CACNA1B: variants seen among roughly 807,000 people sequenced by gnomAD.
CACNA1B encodes the protein voltage-dependent N-type calcium channel subunit alpha-1B.
Under a neutral mutation model 247.2 loss-of-function variants are expected in CACNA1B, and 70 were observed. That is an observed-to-expected ratio of 0.28 (90% CI 0.23 to 0.35). The LOEUF (loss-of-function observed/expected upper bound fraction) is 0.35. Among genes scored for constraint, CACNA1B ranks in the 10% least tolerant of loss-of-function variants. The pLI, the probability that CACNA1B is intolerant of heterozygous loss-of-function variation, is 1.00. For synonymous variants in CACNA1B, 1,231 were observed against 1,294.4 expected (o/e 0.95, Z 1.05); for missense variants, 2,367 against 3,197.4 (o/e 0.74, Z 6.26).
intron 12 of CACNA1B, among the ~76,000 whole-genome samples, chr9:137,976,703 G>A (rs1462427062): frequency 7.0e-6 from 1 of 142,664 alleles, no homozygotes; most frequent in African/African-American, 2.7e-5. Context: ...ACCAACTTAT[G>A]TAGGTAGGGG....
intron 3 of CACNA1B, among the ~76,000 whole-genome samples, chr9:137,896,111 C>A (rs975829528): frequency 1.3e-5 from 2 of 151,884 alleles, no homozygotes; most frequent in Non-Finnish European, 2.9e-5. Context: ...TGGTGGCAGG[C>A]GCCTGTAGTC....
chr9:137,954,758 C>T lies in CACNA1B; in HGVS notation c.1071-940C>T, dbSNP rs954003508. ...CAGTGCCTAGCGGACACTGGCCCTG[C>T]GCCCAGGGTCAGTCACGGTCAGAGC... On this transcript the variant is annotated intron_variant, in intron 7 of 46. Transcript: ENST00000371372. The surrounding 1 kb of genome is among the most constrained non-coding windows in gnomAD (Gnocchi z 4.1). Among the ~76,000 whole-genome samples the T allele has an allele frequency of 5.3e-5, 8 of 151,976 alleles. No individual in the cohort carries two copies. Among genetic ancestry groups the T allele is most frequent in the African/African-American group, 1.5e-4 (6 of 41,370 alleles).
At chr9:138,103,062 C>A (rs555799874) in intron 38 of CACNA1B, among the ~76,000 whole-genome samples, 1 of 152,072 alleles carries the variant, frequency 6.6e-6, no homozygotes, top group Non-Finnish European at 1.5e-5. Flanking sequence ...CCTTTGAGAG[C>A]CCCCTGGAGG....
chr9:138,059,062 G>A lies in CACNA1B; in HGVS notation c.4474-17G>A, dbSNP rs1352775144. 6.6e-7 allele frequency: 1 copy of A among 1,511,478 alleles called. No homozygotes were observed. Among genetic ancestry groups the A allele is most frequent in the Non-Finnish European group, 9.2e-7 (1 of 1,088,296 alleles). 93.6% of individuals were successfully genotyped at this position (1,511,478 alleles called of 1,614,324 possible). On this transcript the variant is annotated splice_polypyrimidine_tract_variant and intron_variant, in intron 29 of 46. Transcript: ENST00000371372. The surrounding 1 kb of genome is among the most constrained non-coding windows in gnomAD (Gnocchi z 4.2). ...GGCTGCCAAACCCATGGCCAACAGT[G>A]CCTATTCCCCGGGCAGTTCTATGAT...
intron 36 of CACNA1B, among the ~76,000 whole-genome samples, chr9:138,081,913 C>G (rs1960534209): frequency 6.6e-6 from 1 of 151,010 alleles, no homozygotes; most frequent in Non-Finnish European, 1.5e-5. Flanking sequence ...CATATAATGG[C>G]AAAGGGACAC....
In CACNA1B at chr9:137,990,786, A is replaced by G. The variant is rs1958422906; in HGVS notation, c.1974+3932A>G. Among the ~76,000 whole-genome samples, 1 of 152,214 alleles carries G rather than the reference A, an allele frequency of 6.6e-6. No individual in the cohort carries two copies. The highest frequency in any genetic ancestry group is 2.1e-4 in the South Asian group (1 of 4,826). On this transcript the variant is annotated intron_variant, in intron 15 of 46. Transcript: ENST00000371372. This position sits in a 1 kb window ranked among gnomAD's most constrained non-coding sequence, Gnocchi z 4.5. ...TGGATCACATCACAGGACTCTTGAC[A>G]GACACTCCCCAGTACCAGCCTGAAG...
chr9:137,997,509 A>G (rs1013909892), intron 15 of CACNA1B, among the ~76,000 whole-genome samples: 1 of 152,230 alleles, frequency 6.6e-6, no homozygotes. Context: ...AAATTAAAAG[A>G]CAAATGATGT....
Position 138,083,237 on chromosome 9 carries a change from G to T in CACNA1B, c.5094+4979G>T, listed in dbSNP as rs1036836874. 4.0e-5 allele frequency among the ~76,000 whole-genome samples: 6 copies of T among 151,140 alleles called. No individual in the cohort carries two copies. In the East Asian group the frequency reaches 1.2e-3, roughly 31 times the overall value. On this transcript the variant is annotated intron_variant, in intron 36 of 46. Coordinates refer to ENST00000371372, the MANE Select transcript of CACNA1B (RefSeq NM_000718.4). ...AGTGTGACTTGCTCCTGGAGTAGCC[G>T]CAGCTTCCCTTTATCCTTGAGGCAA...
chr9:137,901,208 TCTGTGTCTGTGTCC>T (rs911221141), intron 3 of CACNA1B, among the ~76,000 whole-genome samples: 10 of 151,068 alleles, frequency 6.6e-5, no homozygotes, highest in Non-Finnish European at 1.3e-4. Flanking sequence ...ACTGTGTGTC[TCTGTGTCTGTGTCC>T]CTGTGTCTGT....
In CACNA1B at chr9:137,971,328, G is replaced by T. The variant is rs1958144761; in HGVS notation, c.1334-55G>T. 3 of 1,311,774 alleles carry T rather than the reference G, an allele frequency of 2.3e-6. No individual in the cohort carries two copies. The highest frequency in any genetic ancestry group is 1.5e-5 in the African/African-American group (1 of 68,794). 81.3% of individuals were successfully genotyped at this position (1,311,774 alleles called of 1,614,324 possible). ...GTGCGTCTGTGGGGGTCCACAGGTG[G>T]GGTAGGCGGGTGCCCATTGGTCCCC... On this transcript the variant is annotated intron_variant, in intron 10 of 46. Transcript: ENST00000371372. The surrounding 1 kb of genome is among the most constrained non-coding windows in gnomAD (Gnocchi z 4.4).
At chr9:138,114,343 C>A in intron 40 of CACNA1B, 35 bp from the exon 41 acceptor site, 2 of 1,091,392 alleles carry the variant, frequency 1.8e-6, no homozygotes, top group Non-Finnish European at 2.8e-6. Context: ...CCTCTGCCCC[C>A]TTCTCCGAAT....
rs1352518872 is a variant in CACNA1B, at chr9:137,888,417, T to C, written c.530+5534T>C. ...CTGTGGGGCTGGTTGCACCTGGGGG[T>C]CAGGGACATGGGCAGGGCCCCCAGA... On this transcript the variant is annotated intron_variant, in intron 3 of 46. Transcript: ENST00000371372. This position sits in a 1 kb window ranked among gnomAD's most constrained non-coding sequence, Gnocchi z 4.7. 6.6e-6 allele frequency among the ~76,000 whole-genome samples: 1 copy of C among 151,864 alleles called. No homozygotes were observed. The highest frequency in any genetic ancestry group is 1.5e-5 in the Non-Finnish European group (1 of 67,952).
chr9:137,877,839 C>A lies in CACNA1B; in HGVS notation c.-95C>A. The A allele has an allele frequency of 2.9e-6, 2 of 681,898 alleles. No individual in the cohort carries two copies. The highest frequency in any genetic ancestry group is 3.6e-6 in the Non-Finnish European group (2 of 551,996). 42.2% of individuals were successfully genotyped at this position (681,898 alleles called of 1,614,324 possible). ...CGGGCGAGGTCCGCTGCGGTCCCGG[C>A]GGCTCCGTGGCTGCTCCGCTCTGAG... On this transcript the variant is annotated 5_prime_UTR_variant, in exon 1 of 47. Coordinates refer to ENST00000371372, the MANE Select transcript of CACNA1B (RefSeq NM_000718.4).
In CACNA1B at chr9:138,072,534, T is replaced by G. The variant is rs1451539754; in HGVS notation, c.4675-954T>G. 6.6e-6 allele frequency among the ~76,000 whole-genome samples: 1 copy of G among 152,276 alleles called. No homozygotes were observed. Among genetic ancestry groups the G allele is most frequent in the Non-Finnish European group, 1.5e-5 (1 of 68,050 alleles). On this transcript the variant is annotated intron_variant, in intron 32 of 46. Transcript: ENST00000371372. The surrounding 1 kb of genome is among the most constrained non-coding windows in gnomAD (Gnocchi z 4.5). ...AACGTGTCTCTGAGCCTGAGCTGCTTGCATATTTTAAAATGCTGCAGTGGC... is the reference window on the plus strand; with the variant it reads ...AACGTGTCTCTGAGCCTGAGCTGCTGGCATATTTTAAAATGCTGCAGTGGC...
chr9:137,922,949 C>T (rs1165407965), intron 6 of CACNA1B, among the ~76,000 whole-genome samples: 1 of 152,198 alleles, frequency 6.6e-6, no homozygotes, highest in Non-Finnish European at 1.5e-5. Context: ...CCCTCGCCCC[C>T]TCCTTAATCC....
At position 137,939,735 on chromosome 9, in the gene CACNA1B, G is replaced by A. The variant is rs375434690; in HGVS notation, c.967-12539G>A. Among the ~76,000 whole-genome samples, 35 of 151,708 alleles carry A rather than the reference G, an allele frequency of 2.3e-4. No individual in the cohort carries two copies. In the East Asian group the frequency reaches 4.4e-3, roughly 19 times the overall value. On this transcript the variant is annotated intron_variant, in intron 6 of 46. Transcript: ENST00000371372. Reference sequence around the variant, plus strand: ...GGAGAATGGCATGAACCCGGGAGGCGGAGCTTGCAGTGAGCTGAGATCACG... The same window carrying A: ...GGAGAATGGCATGAACCCGGGAGGCAGAGCTTGCAGTGAGCTGAGATCACG...
chr9:138,052,327 A>G lies in CACNA1B; in HGVS notation c.3807+139A>G. ...ACCCCTGTGTGAGGGGGTTGGGCTCACTCAGCTGTAAGCCCCCATTACCCA... is the reference window on the plus strand; with the variant it reads ...ACCCCTGTGTGAGGGGGTTGGGCTCGCTCAGCTGTAAGCCCCCATTACCCA... On this transcript the variant is annotated intron_variant, in intron 25 of 46. Transcript: ENST00000371372. This position sits in a 1 kb window ranked among gnomAD's most constrained non-coding sequence, Gnocchi z 5.1. The G allele has an allele frequency of 1.0e-5, 6 of 593,692 alleles. No homozygotes were observed. In the South Asian group the frequency reaches 1.2e-4, roughly 11 times the overall value. The allele number at this position is 593,692 out of a possible 1,614,324, so 36.8% of individuals were successfully genotyped here.
At position 137,921,930 on chromosome 9, in the gene CACNA1B, A is replaced by G. The variant is rs1267949451; in HGVS notation, c.966+4499A>G. Reference sequence around the variant, plus strand: ...AGTAAAGCGTTCGGAGAACATGGTCAGCACCACGACCGCACAGCATCCTGG... The same window carrying G: ...AGTAAAGCGTTCGGAGAACATGGTCGGCACCACGACCGCACAGCATCCTGG... On this transcript the variant is annotated intron_variant, in intron 6 of 46. Transcript: ENST00000371372. Among the ~76,000 whole-genome samples the G allele has an allele frequency of 5.5e-4, 81 of 148,524 alleles. 1 individual carries two copies. The highest frequency in any genetic ancestry group is 1.0e-3 in the Non-Finnish European group (70 of 67,070).
At chr9:137,901,109 C>CTG (rs1305575377) in intron 3 of CACNA1B, among the ~76,000 whole-genome samples, 2 of 145,786 alleles carry the variant, frequency 1.4e-5, no homozygotes, top group Non-Finnish European at 1.5e-5. Context: ...GTCCTTGTGT[C>CTG]TGTGTGTCTG....
Sources: gnomAD v4.1 joint callset for allele counts (sites outside exome capture counted in the v4.1 genomes callset) on GRCh38, gnomAD v4.1.1 for gene constraint, Gnocchi (gnomAD v3.1) non-coding constraint, MANE v1.5 for transcripts, NCBI Gene and HGNC (gene_info 2026-07-23, HGNC 2026-07-21) for gene names.